The following UGT2A1 variants were observed in gnomAD, a reference collection of about 807,000 sequenced individuals.
The protein encoded by UGT2A1 is UDP glucuronosyltransferase family 2 member A1 complex locus.
Under a neutral mutation model 45.4 loss-of-function variants are expected in UGT2A1, and 61 were observed. The observed-to-expected ratio is 1.34, with a 90% confidence interval of 1.09 to 1.66. The LOEUF is 1.66. UGT2A1 is among the 40% of genes most tolerant of loss of function. The pLI, the probability that UGT2A1 is intolerant of heterozygous loss-of-function variation, is 0.00. For synonymous variants in UGT2A1, 229 were observed against 196.2 expected (o/e 1.17, Z -1.40); for missense variants, 649 against 574.3 (o/e 1.13, Z -1.33).
intron 6 of UGT2A1, 38 bp downstream of exon 6, chr4:69,594,439 T>A: frequency 1.2e-6 from 2 of 1,603,814 alleles, no homozygotes; most frequent in Non-Finnish European, 1.7e-6. Flanking sequence ...AATAATGTAA[T>A]TAAAGTTAGG....
rs1005246925 is a variant in UGT2A1, at chr4:69,647,103, T to C, written c.542A>G (p.Lys181Arg). The change falls in exon 2 of 7, where the codon AAG becomes AGG. Residue 181 changes from lysine (K) to arginine (R), a missense_variant. By Grantham distance (26) the Lys-to-Arg change is conservative. Coordinates refer to ENST00000286604, the MANE Select transcript of UGT2A1 (RefSeq NM_001252275.3). ...AGGGTATGGTACCTTCCCACAGTGC[T>C]TTTCCACTGTTGAGGCTGGAGAAAA... ...LRFSPASTVE[K>R]HCGKVPYPPS... 2.5e-6 allele frequency: 4 copies of C among 1,612,652 alleles called. No individual in the cohort carries two copies. In the African/African-American group the frequency reaches 5.3e-5, roughly 22 times the overall value.
intron 2 of UGT2A1, chr4:69,638,909 G>A (rs1306803044): frequency 3.8e-6 from 6 of 1,581,792 alleles, no homozygotes; most frequent in South Asian, 1.2e-5. Flanking sequence ...CTAAAATTTT[G>A]CTATAGTATG....
intron 2 of UGT2A1, among the ~76,000 whole-genome samples, chr4:69,640,164 T>G (rs1721974772): frequency 6.6e-6 from 1 of 151,916 alleles, no homozygotes; most frequent in Non-Finnish European, 1.5e-5. Context: ...AATCACAGAC[T>G]TTGTTATTCA....
rs1347046 is a variant in UGT2A1 at position 69,647,421 on chromosome 4, T to G, written c.224A>C (p.Lys75Thr). 1 of 1,612,882 alleles carries G rather than the reference T, an allele frequency of 6.2e-7. No individual in the cohort carries two copies. Among genetic ancestry groups the G allele is most frequent in the Non-Finnish European group, 8.5e-7 (1 of 1,179,360 alleles). ...SNPSLTFEIY[K>T]VPFGKERIEG... ...TATTCTTTCTTTGCCAAAGGGCACC[T>G]TATATATTTCAAATGTCAGAGATGG... The change falls in exon 2 of 7, where the codon AAG (lysine) becomes ACG (threonine). Residue 75 changes from lysine to threonine, a missense_variant. Transcript: ENST00000286604.
intron 3 of UGT2A1, among the ~76,000 whole-genome samples, chr4:69,618,350 CATA>C (rs4148313): frequency 0.27 from 41,195 of 151,190 alleles, 5,840 homozygotes; most frequent in South Asian, 0.32. Flanking sequence ...CCCAGGAACT[CATA>C]CTAATCAATC....
At chr4:69,646,530 C>G (rs568989472) in intron 2 of UGT2A1, among the ~76,000 whole-genome samples, 60 of 151,892 alleles carry the variant, frequency 4.0e-4, no homozygotes, top group African/African-American at 1.4e-3. Flanking sequence ...TATGTATGTT[C>G]TTAAACGTGC....
intron 3 of UGT2A1, among the ~76,000 whole-genome samples, chr4:69,610,033 A>G (rs770416276): frequency 1.3e-5 from 2 of 152,204 alleles, no homozygotes; most frequent in Admixed American, 6.6e-5. Flanking sequence ...GTTTTTAAAG[A>G]GAATGTTAAA....
chr4:69,646,350 G>A (rs1415102393), intron 2 of UGT2A1, among the ~76,000 whole-genome samples: 4 of 151,750 alleles, frequency 2.6e-5, no homozygotes, highest in African/African-American at 4.8e-5. Context: ...TATTCATCAG[G>A]TAAACACCAT....
At chr4:69,592,520 A>C (rs529967199) in intron 6 of UGT2A1, among the ~76,000 whole-genome samples, 31 of 152,328 alleles carry the variant, frequency 2.0e-4, no homozygotes, top group Non-Finnish European at 3.5e-4. Flanking sequence ...GGAAGTGATA[A>C]GGAGATAGGT....
At chr4:69,590,511 G>C (rs1436329101) in intron 6 of UGT2A1, among the ~76,000 whole-genome samples, 2 of 152,102 alleles carry the variant, frequency 1.3e-5, no homozygotes, top group East Asian at 1.9e-4. Context: ...GAAGGTAAAT[G>C]GTTTGTGCAG....
Position 69,614,961 on chromosome 4 carries a change from G to A in UGT2A1, c.848-15567C>T, listed in dbSNP as rs1161568045. 2.6e-5 allele frequency among the ~76,000 whole-genome samples: 4 copies of A among 152,096 alleles called. No individual in the cohort carries two copies. The East Asian group carries it at 7.8e-4, about 30-fold the overall frequency. ...GGGGAAGCAAGCACATCTTCACATG[G>A]TGGCAGGAGAGAGAAAGAGATAAGG... On this transcript the variant is annotated intron_variant, in intron 3 of 6. Transcript: ENST00000286604.
At chr4:69,631,210 C>T (rs1465458010) in intron 3 of UGT2A1, among the ~76,000 whole-genome samples, 3 of 151,940 alleles carry the variant, frequency 2.0e-5, no homozygotes, top group Non-Finnish European at 4.4e-5. Context: ...ACAAAGATAC[C>T]TATACTGTTT....
chr4:69,648,155 G>A (rs1722367207), intron 1 of UGT2A1, among the ~76,000 whole-genome samples: 1 of 148,674 alleles, frequency 6.7e-6, no homozygotes, highest in South Asian at 2.1e-4. Context: ...CAATATATAA[G>A]ATTGTCAAAT....
intron 3 of UGT2A1, among the ~76,000 whole-genome samples, chr4:69,618,014 T>A (rs1720500794): frequency 6.6e-6 from 1 of 151,982 alleles, no homozygotes; most frequent in Admixed American, 6.6e-5. Flanking sequence ...GAGAGAAAAT[T>A]TTCCAGGCCT....
intron 3 of UGT2A1, among the ~76,000 whole-genome samples, chr4:69,634,021 G>A (rs1026235673): frequency 1.2e-4 from 19 of 152,002 alleles, no homozygotes; most frequent in Admixed American, 3.9e-4. Context: ...CGAGGCGGGC[G>A]GATCAGGAGC....
intron 4 of UGT2A1, among the ~76,000 whole-genome samples, chr4:69,595,466 A>G (rs4148302): frequency 0.39 from 59,327 of 152,074 alleles, 11,846 homozygotes; most frequent in East Asian, 0.56. Flanking sequence ...TATTGTTTTG[A>G]TATTTATCAC....
In UGT2A1 at chr4:69,647,547, C is replaced by T; in HGVS notation, c.98G>A (p.Trp33Ter). 1 of 1,612,578 alleles carries T rather than the reference C, an allele frequency of 6.2e-7. No individual in the cohort carries two copies. The highest frequency in any genetic ancestry group is 8.5e-7 in the Non-Finnish European group (1 of 1,179,154). ...ATCTATAATTATCTTAACATTTAGCCAATGACTACCTTCCATTGGCCAAAT... is the reference window on the plus strand; with the variant it reads ...ATCTATAATTATCTTAACATTTAGCTAATGACTACCTTCCATTGGCCAAAT... ...VLIWPMEGSH[W>*]LNVKIIIDEL... Residue 33 changes from tryptophan (W) to a stop codon, truncating the protein, a stop_gained, in exon 2 of 7, where the codon TGG becomes TAG. Transcript: ENST00000286604. LOFTEE classifies it high-confidence loss of function.
At chr4:69,606,420 T>C (rs1201570761) in intron 3 of UGT2A1, among the ~76,000 whole-genome samples, 2 of 136,204 alleles carry the variant, frequency 1.5e-5, no homozygotes, top group East Asian at 2.1e-4. Flanking sequence ...ATGGGATGTA[T>C]CTCAAAATAA....
intron 4 of UGT2A1, chr4:69,596,199 G>T: frequency 2.1e-6 from 3 of 1,434,868 alleles, no homozygotes; most frequent in Non-Finnish European, 2.8e-6. Context: ...TAGCTGCATT[G>T]TCTCTCCCAT....
Sources: allele counts gnomAD v4.1 joint callset (sites outside exome capture counted in the v4.1 genomes callset), GRCh38; gene constraint gnomAD v4.1.1; transcripts MANE v1.5; gene names NCBI Gene and HGNC (gene_info 2026-07-23, HGNC 2026-07-21).